Variants in LARGE1 observed in about 807,000 individuals in gnomAD.
LARGE1 encodes xylosyl- and glucuronyltransferase LARGE1.
Under a neutral mutation model 87.6 loss-of-function variants are expected in LARGE1, and 43 were observed. That is an observed-to-expected ratio of 0.49 (90% CI 0.38 to 0.63). LARGE1 has a LOEUF of 0.63. LARGE1 is among the 30% of genes least tolerant of loss of function. The pLI, the probability that LARGE1 is intolerant of heterozygous loss-of-function variation, is 0.00. For missense variants in LARGE1, 802 were observed against 1,000.2 expected, an observed-to-expected ratio of 0.80 and a Z score of 2.67; for synonymous variants, 434 against 394.6, an observed-to-expected ratio of 1.10 and a Z score of -1.18.
chr22:33,702,800 A>G (rs1474592499), intron 2 of LARGE1, among the ~76,000 whole-genome samples: 2 of 152,186 alleles, frequency 1.3e-5, no homozygotes, highest in East Asian at 3.9e-4. Context: ...GTGTGAGGTA[A>G]ATGTTACTAG....
chr22:33,071,296 T>G, the LARGE1 span, among the ~76,000 whole-genome samples: 1 of 152,220 alleles, frequency 6.6e-6, no homozygotes, highest in African/African-American at 2.4e-5. Context: ...ATGGGTTGCC[T>G]TTAAGAAATA....
At chr22:33,131,677 A>G in the LARGE1 span, among the ~76,000 whole-genome samples, 1 of 152,300 alleles carries the variant, frequency 6.6e-6, no homozygotes, top group African/African-American at 2.4e-5. Flanking sequence ...CGAGAAAAGT[A>G]TGGGAAAGAC....
intron 7 of LARGE1, among the ~76,000 whole-genome samples, chr22:33,419,324 C>T (rs1355215141): frequency 6.6e-6 from 1 of 151,846 alleles, no homozygotes; most frequent in Non-Finnish European, 1.5e-5. Context: ...GGTGGAGACA[C>T]AGGGCCTGAC....
the LARGE1 span, among the ~76,000 whole-genome samples, chr22:33,122,548 G>A: frequency 6.6e-6 from 1 of 151,774 alleles, no homozygotes; most frequent in African/African-American, 2.4e-5. Flanking sequence ...TAGTAGAGAC[G>A]GGGTTTCTCC....
rs115545014 is a variant in LARGE1 at position 33,490,769 on chromosome 22, G to A, written c.788-58504C>T. ...CTGACACTCTCCACATTCAAATATG[G>A]TGGAGATGCTTTGTCTGCAAAACCC... is the stretch of plus-strand genomic sequence containing the variant. On this transcript the variant is annotated intron_variant, in intron 6 of 14. Transcript: ENST00000397394. 5.3e-3 allele frequency among the ~76,000 whole-genome samples: 805 copies of A among 152,312 alleles called. 6 individuals carry two copies. Among genetic ancestry groups the A allele is most frequent in the African/African-American group, 0.018 (728 of 41,562 alleles).
At chr22:33,463,561 A>G (rs2068464250) in intron 6 of LARGE1, among the ~76,000 whole-genome samples, 1 of 152,220 alleles carries the variant, frequency 6.6e-6, no homozygotes, top group South Asian at 2.1e-4. Context: ...TAAAATTGCA[A>G]TCAAAATCCC....
the LARGE1 span, chr22:33,110,682 G>C: frequency 6.6e-6 from 1 of 151,678 alleles, no homozygotes; most frequent in Non-Finnish European, 1.5e-5. Flanking sequence ...GCGGAATTTG[G>C]TTCCAAGTCC....
intron 7 of LARGE1, among the ~76,000 whole-genome samples, chr22:33,423,777 G>A (rs934580895): frequency 1.3e-5 from 2 of 151,704 alleles, no homozygotes; most frequent in African/African-American, 4.8e-5. Flanking sequence ...CAAAACATTT[G>A]TTACAAATAT....
intron 2 of LARGE1, among the ~76,000 whole-genome samples, chr22:33,708,628 T>A (rs1166101198): frequency 1.3e-5 from 2 of 152,038 alleles, no homozygotes; most frequent in African/African-American, 4.8e-5. Flanking sequence ...GGAGACAGAG[T>A]CTCGCTCTGT....
chr22:33,344,710 A>G (rs1159527880), intron 9 of LARGE1, among the ~76,000 whole-genome samples: 5 of 151,894 alleles, frequency 3.3e-5, no homozygotes. Flanking sequence ...CCCTTGAGGG[A>G]AAGAATCACC....
chr22:33,137,894 G>A, the LARGE1 span, among the ~76,000 whole-genome samples: 1 of 152,170 alleles, frequency 6.6e-6, no homozygotes, highest in African/African-American at 2.4e-5. Context: ...TTGCTGTAGG[G>A]GTGGGGTCCT....
intron 1 of LARGE1, among the ~76,000 whole-genome samples, chr22:33,823,140 G>A (rs919982622): frequency 6.6e-6 from 1 of 152,136 alleles, no homozygotes; most frequent in Non-Finnish European, 1.5e-5. Context: ...AAATATAAAT[G>A]ATGTATTAAA....
intron 1 of LARGE1, among the ~76,000 whole-genome samples, chr22:33,905,692 C>A (rs1163312229): frequency 6.6e-5 from 10 of 152,100 alleles, no homozygotes; most frequent in Admixed American, 3.3e-4. Flanking sequence ...AAAGAGGCAA[C>A]CATGTGGCAT....
intron 7 of LARGE1, among the ~76,000 whole-genome samples, chr22:33,398,314 G>C (rs1042963066): frequency 2.6e-5 from 4 of 151,990 alleles, no homozygotes; most frequent in Admixed American, 2.0e-4. Flanking sequence ...TATGTGGCTG[G>C]TCAAAGCAAA....
chr22:33,359,538 C>G (rs114091558), intron 9 of LARGE1, among the ~76,000 whole-genome samples: 1 of 150,692 alleles, frequency 6.6e-6, no homozygotes, highest in Non-Finnish European at 1.5e-5. Flanking sequence ...ACCCTTAGAA[C>G]GACCCTGTAT....
chr22:33,127,685 A>T, the LARGE1 span, among the ~76,000 whole-genome samples: 1 of 152,228 alleles, frequency 6.6e-6, no homozygotes, highest in Non-Finnish European at 1.5e-5. Context: ...GTAAGAGATC[A>T]AGGGACTGGG....
At chr22:33,749,004 G>A (rs879324240) in intron 2 of LARGE1, among the ~76,000 whole-genome samples, 2 of 152,196 alleles carry the variant, frequency 1.3e-5, no homozygotes, top group Non-Finnish European at 2.9e-5. Flanking sequence ...GACTTTCCAG[G>A]ATTCTAGAAA....
intron 2 of LARGE1, among the ~76,000 whole-genome samples, chr22:33,702,980 G>C (rs1266753899): frequency 6.6e-6 from 1 of 152,164 alleles, no homozygotes; most frequent in South Asian, 2.1e-4. Context: ...AGGAAAAGGT[G>C]TTCCAGGAAG....
At chr22:33,516,665 T>G (rs1472432678) in intron 6 of LARGE1, among the ~76,000 whole-genome samples, 1 of 46 alleles carries the variant, frequency 0.022, no homozygotes, top group Non-Finnish European at 0.038. Context: ...CTCCGCTCAC[T>G]GCAAACTTCC....
Sources: gnomAD v4.1 joint callset for allele counts (sites outside exome capture counted in the v4.1 genomes callset) on GRCh38, gnomAD v4.1.1 for gene constraint, MANE v1.5 for transcripts, NCBI Gene and HGNC (gene_info 2026-07-23, HGNC 2026-07-21) for gene names.